Variants in STAB2 observed in about 807,000 individuals in gnomAD.
The protein encoded by STAB2 is stabilin 2, also known as stabilin-2.
Under a neutral mutation model 338.1 loss-of-function variants are expected in STAB2, and 288 were observed. The observed-to-expected ratio is 0.85, with a 90% confidence interval of 0.77 to 0.94. The LOEUF is 0.94. STAB2 is among the 40% of genes least tolerant of loss of function. STAB2 has a pLI of 0.00. For synonymous variants in STAB2, 1,202 were observed against 1,193.3 expected (o/e 1.01, Z -0.15); for missense variants, 3,141 against 3,210.1 (o/e 0.98, Z 0.52).
rs1370733534 is a variant in STAB2, at chr12:103,735,501, T to C, written c.5471T>C (p.Val1824Ala). ...CCATCACTCCTACAGGTTTTAGCTG[T>C]GGATCTTCCCACATCCACTGCCTGG... ...HVIRDAKVLA[V>A]DLPTSTAWKT... is the part of the protein sequence containing the mutation. Residue 1824 changes from valine (V) to alanine (A), a missense_variant, in exon 52 of 69, where the codon GTG (valine) becomes GCG (alanine). Transcript: ENST00000388887. The C allele has an allele frequency of 3.1e-6, 5 of 1,608,952 alleles. No homozygotes were observed. The East Asian group carries it at 6.7e-5, about 22-fold the overall frequency.
At chr12:103,758,109 A>G in intron 63 of STAB2, 61 bp from the exon 64 acceptor site, 1 of 1,605,910 alleles carries the variant, frequency 6.2e-7, no homozygotes, top group Non-Finnish European at 8.5e-7. Flanking sequence ...GACCTTCTTC[A>G]GCCACCCAGG....
In STAB2 at chr12:103,590,921, C is replaced by T; in HGVS notation, c.106C>T (p.Leu36Phe). The T allele has an allele frequency of 6.2e-7, 1 of 1,614,070 alleles. No homozygotes were observed. The highest frequency in any genetic ancestry group is 8.5e-7 in the Non-Finnish European group (1 of 1,180,012). Residue 36 changes from leucine (L) to phenylalanine (F), a missense_variant, in exon 2 of 69, where the codon CTT becomes TTT. Physicochemically the swap from Leu to Phe is conservative, Grantham distance 22. Coordinates refer to ENST00000388887, the MANE Select transcript of STAB2 (RefSeq NM_017564.10). Reference protein sequence around the residue: ...GQARRCDRKSLLTIRTECRSC... With the variant: ...GQARRCDRKSFLTIRTECRSC... ...GGCAAGAAGATGTGATAGGAAGTCT[C>T]TTCTTACAATTAGGACCGAGTGCCG...
In STAB2 at chr12:103,689,923, C is replaced by T. The variant is rs551927020; in HGVS notation, c.3123C>T (p.Asp1041=). The T allele has an allele frequency of 6.4e-5, 103 of 1,614,200 alleles. 2 individuals carry two copies. The East Asian group carries it at 1.9e-3, about 30-fold the overall frequency. ...VLVPSQQATE[D]MDQDEKSFWL... is the part of the protein sequence containing the mutation. ...TGCCTTCCCAACAAGCTACTGAGGA[C>T]ATGGACCAGGATGAGAAAAGCTTCT... is the stretch of plus-strand genomic sequence containing the variant. The change falls in exon 29 of 69, where the codon GAC becomes GAT. Residue 1041 remains aspartate, a synonymous_variant. Coordinates refer to ENST00000388887, the MANE Select transcript of STAB2 (RefSeq NM_017564.10).
intron 19 of STAB2, among the ~76,000 whole-genome samples, chr12:103,666,698 A>G (rs1028793209): frequency 6.6e-6 from 1 of 152,232 alleles, no homozygotes; most frequent in African/African-American, 2.4e-5. Flanking sequence ...CTGTAATATT[A>G]TAGATGTCCA....
At chr12:103,661,433 A>T (rs1465657831) in intron 17 of STAB2, among the ~76,000 whole-genome samples, 1 of 152,228 alleles carries the variant, frequency 6.6e-6, no homozygotes, top group Admixed American at 6.5e-5. Context: ...TTGAGTTCCT[A>T]CTGTGCATCA....
At chr12:103,636,004 A>G (rs184157045) in intron 6 of STAB2, among the ~76,000 whole-genome samples, 1 of 152,280 alleles carries the variant, frequency 6.6e-6, no homozygotes. Flanking sequence ...GCCCTAGTAC[A>G]GTAGTTGCTC....
chr12:103,673,202 A>C (rs1037167519), intron 22 of STAB2, among the ~76,000 whole-genome samples: 1 of 152,204 alleles, frequency 6.6e-6, no homozygotes, highest in Non-Finnish European at 1.5e-5. Context: ...GAATATCTTC[A>C]TGAAAGGTGA....
chr12:103,668,823 G>C, intron 20 of STAB2, 94 bp downstream of exon 20: 1 of 1,149,518 alleles, frequency 8.7e-7, no homozygotes, highest in East Asian at 2.6e-5. Flanking sequence ...GTGGTCACAG[G>C]TGGCCCGTGC....
At chr12:103,615,914 G>T (rs551121528) in intron 3 of STAB2, among the ~76,000 whole-genome samples, 2 of 152,276 alleles carry the variant, frequency 1.3e-5, no homozygotes, top group Non-Finnish European at 2.9e-5. Flanking sequence ...ACAGGGTCTA[G>T]CCCTTGACAC....
intron 13 of STAB2, 84 bp from the exon 14 acceptor site, chr12:103,655,167 C>A: frequency 7.8e-7 from 1 of 1,274,236 alleles, no homozygotes; most frequent in Non-Finnish European, 1.1e-6. Flanking sequence ...TAAACTCTGT[C>A]ATCAGTCTTT....
At chr12:103,716,382 G>A (rs1880314132) in intron 43 of STAB2, among the ~76,000 whole-genome samples, 2 of 152,282 alleles carry the variant, frequency 1.3e-5, no homozygotes, top group South Asian at 2.1e-4. Context: ...CAGAGAATGG[G>A]GGTCACAGGG....
intron 34 of STAB2, among the ~76,000 whole-genome samples, chr12:103,701,742 G>A (rs918439310): frequency 6.6e-6 from 1 of 152,028 alleles, no homozygotes; most frequent in African/African-American, 2.4e-5. Context: ...CACAGACCTT[G>A]GAACACCTCT....
At chr12:103,702,117 A>G (rs1337421091) in intron 34 of STAB2, among the ~76,000 whole-genome samples, 1 of 130,962 alleles carries the variant, frequency 7.6e-6, no homozygotes, top group Non-Finnish European at 1.6e-5. Context: ...TTCATTGATT[A>G]CTCATTAAAG....
At chr12:103,691,545 T>A (rs1877939647) in intron 30 of STAB2, among the ~76,000 whole-genome samples, 1 of 152,230 alleles carries the variant, frequency 6.6e-6, no homozygotes, top group African/African-American at 2.4e-5. Context: ...TACAAATACA[T>A]TGTAAGGTGA....
At chr12:103,737,600 CTTTCTCTTT>C in intron 52 of STAB2, 25 bp from the exon 53 acceptor site, 3 of 1,122,638 alleles carry the variant, frequency 2.7e-6, no homozygotes, top group African/African-American at 1.7e-5. Flanking sequence ...CTCTCTCTCT[CTTTCTCTTT>C]TTTTTTTTTT....
intron 44 of STAB2, among the ~76,000 whole-genome samples, chr12:103,721,751 G>A (rs1880786308): frequency 6.6e-6 from 1 of 152,186 alleles, no homozygotes; most frequent in African/African-American, 2.4e-5. Context: ...GCACTTTGGG[G>A]CACTGAGGCA....
chr12:103,641,515 AG>A (rs1397248347), intron 9 of STAB2, among the ~76,000 whole-genome samples: 1 of 152,226 alleles, frequency 6.6e-6, no homozygotes, highest in Non-Finnish European at 1.5e-5. Flanking sequence ...AATACACCAC[AG>A]CCATGCATAT....
chr12:103,616,446 AG>A (rs1957212036), intron 3 of STAB2, among the ~76,000 whole-genome samples: 1 of 152,256 alleles, frequency 6.6e-6, no homozygotes, highest in African/African-American at 2.4e-5. Context: ...GCATGGAAAG[AG>A]TGCAAGATGG....
intron 56 of STAB2, 58 bp from the exon 57 acceptor site, chr12:103,745,115 G>T (rs967437781): frequency 2.7e-6 from 4 of 1,472,750 alleles, no homozygotes; most frequent in Non-Finnish European, 2.8e-6. Flanking sequence ...AGGGGTCAGG[G>T]AGCTGGTTGA....
Sources: gnomAD v4.1 joint callset for allele counts (sites outside exome capture counted in the v4.1 genomes callset) on GRCh38, gnomAD v4.1.1 for gene constraint, MANE v1.5 for transcripts, NCBI Gene and HGNC (gene_info 2026-07-23, HGNC 2026-07-21) for gene names.